The following ZNF729 variants were observed in gnomAD, a reference collection of about 807,000 sequenced individuals.
ZNF729 encodes zinc finger protein 729.
Under a neutral mutation model 12.2 loss-of-function variants are expected in ZNF729, and 15 were observed. The ratio of observed to expected loss-of-function variants is 1.23; its 90% CI spans 0.82 to 1.89. ZNF729 has a LOEUF of 1.89. Among genes scored for constraint, ZNF729 ranks in the 40% most tolerant of loss-of-function variants. The pLI is 0.00. For missense variants in ZNF729, 1,540 were observed against 1,456.7 expected, an observed-to-expected ratio of 1.06 and a Z score of -0.93; for synonymous variants, 492 against 476.3, an observed-to-expected ratio of 1.03 and a Z score of -0.43.
intron 1 of ZNF729, 62 bp from the exon 2 acceptor site, chr19:22,303,696 T>C: frequency 1.4e-6 from 2 of 1,456,268 alleles, no homozygotes; most frequent in Non-Finnish European, 1.8e-6. Context: ...TTGAGTCAAA[T>C]TAAAAATTTC....
intron 3 of ZNF729, among the ~76,000 whole-genome samples, chr19:22,306,775 G>A (rs562569371): frequency 3.3e-5 from 5 of 151,262 alleles, no homozygotes; most frequent in African/African-American, 1.2e-4. Flanking sequence ...TCAGATTTAT[G>A]CAGATTTACA....
intron 1 of ZNF729, among the ~76,000 whole-genome samples, chr19:22,294,125 CA>C (rs1360333470): frequency 7.5e-6 from 1 of 132,878 alleles, no homozygotes; most frequent in Non-Finnish European, 1.6e-5. Flanking sequence ...GGCTTTAATT[CA>C]TCTTGAGTTG....
chr19:22,313,117 C>T (rs1038511548), intron 3 of ZNF729, among the ~76,000 whole-genome samples: 3 of 151,516 alleles, frequency 2.0e-5, no homozygotes, highest in Admixed American at 2.0e-4. Flanking sequence ...AGTGCACTAG[C>T]ATAATCTCAT....
At chr19:22,290,057 A>C (rs1226449373) in intron 1 of ZNF729, among the ~76,000 whole-genome samples, 4 of 152,196 alleles carry the variant, frequency 2.6e-5, no homozygotes, top group African/African-American at 9.7e-5. Context: ...TACTTTCAAA[A>C]ACCACATGAA....
chr19:22,304,205 A>C lies in ZNF729; in HGVS notation c.157+321A>C, dbSNP rs190823937. 1.6e-3 allele frequency among the ~76,000 whole-genome samples: 238 copies of C among 151,886 alleles called. 1 individual carries two copies. The highest frequency in any genetic ancestry group is 5.0e-3 in the African/African-American group (209 of 41,434). On this transcript the variant is annotated intron_variant, in intron 2 of 3. Transcript: ENST00000601693. ...AGGCATGCGACACCACACCCGGCTA[A>C]TTTTTTTGTATTTGTAGTAGAGATG...
chr19:22,294,724 T>C (rs1968203483), intron 1 of ZNF729, among the ~76,000 whole-genome samples: 1 of 149,986 alleles, frequency 6.7e-6, no homozygotes, highest in Non-Finnish European at 1.5e-5. Flanking sequence ...TGGCACAGTC[T>C]TAGCTCACCA....
At chr19:22,298,621 C>T (rs2145046392) in intron 1 of ZNF729, among the ~76,000 whole-genome samples, 1 of 152,254 alleles carries the variant, frequency 6.6e-6, no homozygotes, top group East Asian at 1.9e-4. Flanking sequence ...TCAGGTGATT[C>T]TCCTGCCTCA....
chr19:22,287,456 G>C (rs1968094685), intron 1 of ZNF729, among the ~76,000 whole-genome samples: 1 of 151,758 alleles, frequency 6.6e-6, no homozygotes, highest in Admixed American at 6.6e-5. Context: ...AGTAGAGACG[G>C]GGGTTTCTCC....
At position 22,315,419 on chromosome 19, in the gene ZNF729, T is replaced by G; in HGVS notation, c.2002T>G (p.Phe668Val). Reference protein sequence around the residue: ...CEECGKAFSHFSALRRHKIIH... With the variant: ...CEECGKAFSHVSALRRHKIIH... ...AGAATGTGGCAAAGCTTTTAGCCAT[T>G]TCTCAGCCCTTAGAAGACATAAGAT... Residue 668 changes from phenylalanine to valine, a missense_variant, in exon 4 of 4, where the codon TTC becomes GTC. Phe to Val is a conservative substitution (Grantham distance 50). Transcript: ENST00000601693. The G allele has an allele frequency of 6.2e-7, 1 of 1,613,158 alleles. No homozygotes were observed. The highest frequency in any genetic ancestry group is 8.5e-7 in the Non-Finnish European group (1 of 1,179,786).
At chr19:22,308,543 G>T (rs1404370871) in intron 3 of ZNF729, among the ~76,000 whole-genome samples, 2 of 151,228 alleles carry the variant, frequency 1.3e-5, no homozygotes, top group South Asian at 2.1e-4. Context: ...CTGTTTTTTT[G>T]ATTTTTTTTT....
In ZNF729 at chr19:22,316,232, G is replaced by A. The variant is rs1968538851; in HGVS notation, c.2815G>A (p.Glu939Lys). ...TACTGGAAAGAAACCCTACAAATGT[G>A]AAGAATGTGGCAAAGCTTTTAATGA... ...IHTGKKPYKC[E>K]ECGKAFNDSS... is the part of the protein sequence containing the mutation. Residue 939 changes from glutamate (E) to lysine (K), a missense_variant, in exon 4 of 4, where the codon GAA becomes AAA. Physicochemically the swap from Glu to Lys is moderately conservative, Grantham distance 56. Transcript: ENST00000601693. The A allele has an allele frequency of 6.2e-7, 1 of 1,613,686 alleles. No homozygotes were observed. Among genetic ancestry groups the A allele is most frequent in the Non-Finnish European group, 8.5e-7 (1 of 1,179,776 alleles).
Position 22,316,193 on chromosome 19 carries a change from C to T in ZNF729, c.2776C>T (p.His926Tyr), listed in dbSNP as rs1555785039. 1.7e-5 allele frequency: 28 copies of T among 1,612,800 alleles called. No individual in the cohort carries two copies. Among genetic ancestry groups the T allele is most frequent in the Non-Finnish European group, 2.4e-5 (28 of 1,179,508 alleles). ...AFKHFSALRK[H>Y]KIIHTGKKPY... ...TAAGCATTTCTCAGCCCTTAGAAAA[C>T]ATAAGATAATTCATACTGGAAAGAA... Residue 926 changes from histidine (H) to tyrosine (Y), a missense_variant, in exon 4 of 4, where the codon CAT becomes TAT. By Grantham distance (83) the His-to-Tyr change is moderately conservative (BLOSUM62 2). Transcript: ENST00000601693.
intron 1 of ZNF729, among the ~76,000 whole-genome samples, chr19:22,302,254 G>C (rs1968319162): frequency 6.6e-6 from 1 of 152,300 alleles, no homozygotes; most frequent in African/African-American, 2.4e-5. Flanking sequence ...ATTTCATGTG[G>C]CCATTAAAAA....
rs190665899 is a variant in ZNF729 at position 22,317,123 on chromosome 19, A to G, written c.3706A>G (p.Ile1236Val). 2.6e-4 allele frequency: 411 copies of G among 1,602,026 alleles called. 1 individual carries two copies. The East Asian group carries it at 5.0e-3, about 20-fold the overall frequency. Residue 1236 changes from isoleucine (I) to valine (V), a missense_variant, in exon 4 of 4, where the codon ATT becomes GTT. Coordinates refer to ENST00000601693, the MANE Select transcript of ZNF729 (RefSeq NM_001242680.2). ...TCCTCACACCTTACTAGACAAAACA[A>G]TTCATACTGGAGAGAAACCCTACAA... The part of the protein sequence containing the change: ...SNPHTLLDKT[I>V]HTGEKPYKCE...
At chr19:22,302,808 G>A (rs906015824) in intron 1 of ZNF729, among the ~76,000 whole-genome samples, 1 of 152,266 alleles carries the variant, frequency 6.6e-6, no homozygotes, top group African/African-American at 2.4e-5. Flanking sequence ...TAGAGTTTTG[G>A]CTGGGGAATC....
chr19:22,295,164 T>G (rs1434601888), intron 1 of ZNF729, among the ~76,000 whole-genome samples: 2 of 151,870 alleles, frequency 1.3e-5, no homozygotes, highest in African/African-American at 4.8e-5. Context: ...ACATTTATTT[T>G]GTATTCTGAA....
At chr19:22,302,773 C>A (rs529240782) in intron 1 of ZNF729, among the ~76,000 whole-genome samples, 2 of 152,416 alleles carry the variant, frequency 1.3e-5, no homozygotes, top group South Asian at 4.1e-4. Flanking sequence ...TGGAGTCTTA[C>A]CTCACAGAAC....
At chr19:22,296,238 T>C (rs1248576811) in intron 1 of ZNF729, among the ~76,000 whole-genome samples, 1 of 152,214 alleles carries the variant, frequency 6.6e-6, no homozygotes, top group Non-Finnish European at 1.5e-5. Flanking sequence ...AATTCAGCTG[T>C]AAATTTGTCT....
chr19:22,307,117 A>G (rs933011866), intron 3 of ZNF729, among the ~76,000 whole-genome samples: 2 of 151,876 alleles, frequency 1.3e-5, no homozygotes, highest in East Asian at 1.9e-4. Flanking sequence ...ATATATTTAT[A>G]TATGGGTTTT....
Sources: gnomAD v4.1 joint callset for allele counts (sites outside exome capture counted in the v4.1 genomes callset) on GRCh38, gnomAD v4.1.1 for gene constraint, MANE v1.5 for transcripts, NCBI Gene and HGNC (gene_info 2026-07-23, HGNC 2026-07-21) for gene names.